HPSE2: variants seen among roughly 807,000 people sequenced by gnomAD.
HPSE2 encodes inactive heparanase-2.
A neutral mutation model predicts 60.5 loss-of-function variants in HPSE2; 38 were observed. That is an observed-to-expected ratio of 0.63 (90% CI 0.48 to 0.82). The LOEUF is 0.82. Among genes scored for constraint, HPSE2 ranks in the 40% least tolerant of loss-of-function variants. The probability of loss-of-function intolerance (pLI) is 0.00; values close to 1 mark genes in which losing one functional copy is unlikely to be tolerated. For missense variants in HPSE2, 713 were observed against 740.4 expected, an observed-to-expected ratio of 0.96 and a Z score of 0.43; for synonymous variants, 295 against 293.2, an observed-to-expected ratio of 1.01 and a Z score of -0.06.
At chr10:99,075,627 A>C (rs965102757) in intron 3 of HPSE2, among the ~76,000 whole-genome samples, 2 of 152,130 alleles carry the variant, frequency 1.3e-5, no homozygotes, top group African/African-American at 4.8e-5. Context: ...TGGGATACTG[A>C]AGTGTCCCAC....
chr10:99,087,621 G>C (rs1440589168), intron 3 of HPSE2, among the ~76,000 whole-genome samples: 2 of 152,162 alleles, frequency 1.3e-5, no homozygotes, highest in East Asian at 3.9e-4. Flanking sequence ...AACCGGGTGG[G>C]ATCCTGTGTG....
At chr10:98,790,954 C>A (rs17110857) in intron 3 of HPSE2, among the ~76,000 whole-genome samples, 5,779 of 152,076 alleles carry the variant, frequency 0.038, 240 homozygotes, top group East Asian at 0.17. Flanking sequence ...CAGAGACAGG[C>A]AAAACAGCCA....
At chr10:99,082,071 T>C (rs561735856) in intron 3 of HPSE2, among the ~76,000 whole-genome samples, 1 of 152,190 alleles carries the variant, frequency 6.6e-6, no homozygotes, top group Non-Finnish European at 1.5e-5. Context: ...GCTCTTCAGA[T>C]GACTAAAAGC....
intron 2 of HPSE2, among the ~76,000 whole-genome samples, chr10:99,152,899 G>A (rs764977065): frequency 7.2e-5 from 11 of 152,220 alleles, no homozygotes; most frequent in Admixed American, 3.9e-4. Flanking sequence ...TGCGCGCATC[G>A]TGCGCGAGCC....
At chr10:98,955,674 C>G (rs762238945) in intron 3 of HPSE2, among the ~76,000 whole-genome samples, 1 of 152,128 alleles carries the variant, frequency 6.6e-6, no homozygotes, top group South Asian at 2.1e-4. Flanking sequence ...CACTGCAGCA[C>G]TATTCACAAT....
At chr10:99,098,234 T>C (rs1843791035) in intron 3 of HPSE2, among the ~76,000 whole-genome samples, 1 of 152,168 alleles carries the variant, frequency 6.6e-6, no homozygotes, top group African/African-American at 2.4e-5. Context: ...TAAAAACCAA[T>C]ACAGCAAAAC....
chr10:99,145,529 A>T (rs1458466841), intron 2 of HPSE2, among the ~76,000 whole-genome samples: 1 of 152,110 alleles, frequency 6.6e-6, no homozygotes, highest in East Asian at 1.9e-4. Context: ...GTTATTTATT[A>T]ATTTTTTACA....
intron 1 of HPSE2, among the ~76,000 whole-genome samples, chr10:99,233,361 C>T (rs1204959049): frequency 6.6e-6 from 1 of 152,156 alleles, no homozygotes; most frequent in Non-Finnish European, 1.5e-5. Context: ...CGTTTGGAAC[C>T]GCTAGGGAAA....
intron 3 of HPSE2, among the ~76,000 whole-genome samples, chr10:98,841,947 C>A (rs546371721): frequency 6.6e-6 from 1 of 152,226 alleles, no homozygotes; most frequent in African/African-American, 2.4e-5. Context: ...GCTGGGACTA[C>A]AGGCGTGTGC....
rs112931347 is a variant in HPSE2 at position 99,152,018 on chromosome 10, TA to T, written c.449-7620del. Among the ~76,000 whole-genome samples, 1,392 of 146,078 alleles carry T rather than the reference TA, an allele frequency of 9.5e-3. 17 individuals are homozygous for T. Among genetic ancestry groups the T allele is most frequent in the African/African-American group, 0.032 (1,295 of 40,148 alleles). ...GGCAAAATAAAGTCATTTCCATATT[TA>T]AAAAAAAAAAGAGGCTGGGCACTGT... is the stretch of plus-strand genomic sequence containing the variant. On this transcript the variant is annotated intron_variant, in intron 2 of 11. Transcript: ENST00000370552.
intron 2 of HPSE2, among the ~76,000 whole-genome samples, chr10:99,193,106 C>A (rs1050833881): frequency 6.6e-6 from 1 of 151,932 alleles, no homozygotes; most frequent in African/African-American, 2.4e-5. Flanking sequence ...ATAGACAGTA[C>A]AATAGGATAT....
chr10:99,143,942 A>G (rs1175242617), intron 3 of HPSE2, among the ~76,000 whole-genome samples: 1 of 152,206 alleles, frequency 6.6e-6, no homozygotes, highest in Non-Finnish European at 1.5e-5. Flanking sequence ...TGCTTCTTAA[A>G]AGACACCAAA....
intron 3 of HPSE2, among the ~76,000 whole-genome samples, chr10:98,751,245 C>T (rs1279874615): frequency 6.6e-6 from 1 of 152,154 alleles, no homozygotes; most frequent in Non-Finnish European, 1.5e-5. Flanking sequence ...AGACATGGCT[C>T]CAGCCCTCAC....
At chr10:98,818,549 G>A (rs1165710396) in intron 3 of HPSE2, among the ~76,000 whole-genome samples, 1 of 152,120 alleles carries the variant, frequency 6.6e-6, no homozygotes, top group Non-Finnish European at 1.5e-5. Context: ...ACCCCTCTGT[G>A]GCCCAGGTGT....
chr10:98,706,942 T>C (rs1050518999), intron 5 of HPSE2, among the ~76,000 whole-genome samples: 1 of 152,188 alleles, frequency 6.6e-6, no homozygotes, highest in African/African-American at 2.4e-5. Flanking sequence ...TCCACGTATG[T>C]TTGTTGAATT....
intron 3 of HPSE2, among the ~76,000 whole-genome samples, chr10:98,991,510 T>G (rs1316843013): frequency 6.6e-6 from 1 of 151,818 alleles, no homozygotes; most frequent in African/African-American, 2.4e-5. Context: ...GGGCAGACAG[T>G]GGGGAGTAAA....
At position 98,732,581 on chromosome 10, in the gene HPSE2, T is replaced by G. The variant is rs146634895; in HGVS notation, c.785-10753A>C. 2.2e-3 allele frequency among the ~76,000 whole-genome samples: 334 copies of G among 152,186 alleles called. 1 individual carries two copies. The highest frequency in any genetic ancestry group is 0.02 in the Middle Eastern group (6 of 294). On this transcript the variant is annotated intron_variant, in intron 4 of 11. Coordinates refer to ENST00000370552, the MANE Select transcript of HPSE2 (RefSeq NM_021828.5). ...GGTACTGGGAATCTCTATATCCACA[T>G]GCAAAAAGACTAATTTATAGCCTTA...
chr10:98,583,018 C>T (rs907393014), intron 9 of HPSE2, among the ~76,000 whole-genome samples: 1 of 152,122 alleles, frequency 6.6e-6, no homozygotes, highest in African/African-American at 2.4e-5. Context: ...TCATACCCAA[C>T]CAACGAAGAC....
intron 3 of HPSE2, among the ~76,000 whole-genome samples, chr10:98,802,276 C>T (rs933914128): frequency 3.5e-5 from 5 of 142,406 alleles, no homozygotes; most frequent in Non-Finnish European, 7.6e-5. Flanking sequence ...GGCAAAATTT[C>T]TTTTTTTTAA....
Sources: allele counts gnomAD v4.1 joint callset (sites outside exome capture counted in the v4.1 genomes callset), GRCh38; gene constraint gnomAD v4.1.1; transcripts MANE v1.5; gene names NCBI Gene and HGNC (gene_info 2026-07-23, HGNC 2026-07-21).